The following CFAP47 variants were observed in gnomAD, a reference collection of about 807,000 sequenced individuals.
The protein encoded by CFAP47 is cilia- and flagella-associated protein 47.
Under a neutral mutation model 148.1 loss-of-function variants are expected in CFAP47, and 29 were observed. The ratio of observed to expected loss-of-function variants is 0.20; its 90% CI spans 0.15 to 0.27. The LOEUF (loss-of-function observed/expected upper bound fraction) is 0.27, where lower values mean the gene tolerates loss of function less well. Ranked by LOEUF, CFAP47 falls within the 10% of genes least tolerant of loss-of-function variation. CFAP47 has a pLI of 1.00. For synonymous variants in CFAP47, 664 were observed against 577.3 expected (o/e 1.15, Z -2.15); for missense variants, 1,872 against 1,697.5 (o/e 1.10, Z -1.81).
chrX:36,102,491 C>T (rs1938393372), intron 32 of CFAP47, among the ~76,000 whole-genome samples: 1 of 111,151 alleles, frequency 9.0e-6, no homozygotes, highest in Non-Finnish European at 1.9e-5. Flanking sequence ...TTTTTTACCA[C>T]CGATAATTTC....
Position 36,104,653 on chromosome X carries a change from A to G in CFAP47, c.5282A>G (p.Glu1761Gly). Residue 1761 changes from glutamate to glycine, a missense_variant, in exon 33 of 64, where the codon GAG (glutamate) becomes GGG (glycine). Physicochemically the swap from Glu to Gly is moderately conservative, Grantham distance 98. Transcript: ENST00000378653. The stretch of plus-strand genomic sequence containing the variant: ...CTTAGTTGGATGAACATAAATTATG[A>G]GAATACTCGACATGTGATATGGAAA... ...ILLSWMNINY[E>G]NTRHVIWKNC... 1.1e-6 allele frequency: 1 copy of G among 923,365 alleles called. No homozygotes were observed. Among genetic ancestry groups the G allele is most frequent in the Non-Finnish European group, 1.5e-6 (1 of 648,308 alleles). 76.1% of individuals were successfully genotyped at this position (923,365 alleles called of 1,213,427 possible).
intron 33 of CFAP47, among the ~76,000 whole-genome samples, chrX:36,126,080 T>G (rs1938831989): frequency 1.1e-5 from 1 of 90,834 alleles, no homozygotes; most frequent in Admixed American, 1.1e-4. Flanking sequence ...CCTTCAAAAT[T>G]ATTATTATTA....
chrX:36,159,250 A>G (rs954998869), intron 37 of CFAP47, among the ~76,000 whole-genome samples, 176 bp from the exon 38 acceptor site: 2 of 112,072 alleles, frequency 1.8e-5, no homozygotes, highest in Non-Finnish European at 3.8e-5. Context: ...TTTACAAAAT[A>G]TATTACGATA....
chrX:36,152,390 G>A (rs1448232550), intron 37 of CFAP47, among the ~76,000 whole-genome samples: 1 of 111,465 alleles, frequency 9.0e-6, no homozygotes, highest in South Asian at 3.8e-4. Flanking sequence ...CTTCATGTTC[G>A]TACCCTTTGA....
At chrX:36,285,508 T>C in intron 50 of CFAP47, 121 bp from the exon 51 acceptor site, 1 of 407,380 alleles carries the variant, frequency 2.5e-6, no homozygotes, top group Non-Finnish European at 4.4e-6. Flanking sequence ...TTCAGCTGTC[T>C]TGACAAAAAG....
intron 3 of CFAP47, among the ~76,000 whole-genome samples, chrX:35,942,430 T>C (rs1936023554): frequency 9.0e-6 from 1 of 111,369 alleles, no homozygotes; most frequent in Admixed American, 9.6e-5. Flanking sequence ...GCTTTGGTTT[T>C]TAAATGAGTG....
At chrX:36,176,866 T>C (rs1182225801) in intron 39 of CFAP47, among the ~76,000 whole-genome samples, 31 of 112,308 alleles carry the variant, frequency 2.8e-4, no homozygotes, top group Non-Finnish European at 1.3e-4. Flanking sequence ...ATTGTGCCAT[T>C]GCATTCCAGC....
chrX:36,384,077 A>C (rs1556024673), intron 63 of CFAP47, among the ~76,000 whole-genome samples: 1 of 111,845 alleles, frequency 8.9e-6, no homozygotes, highest in East Asian at 2.8e-4. Context: ...GCGGTGGCTC[A>C]AGCCTGTAAT....
chrX:35,983,274 C>G (rs1442128826), intron 15 of CFAP47, among the ~76,000 whole-genome samples: 1 of 111,555 alleles, frequency 9.0e-6, no homozygotes, highest in Non-Finnish European at 1.9e-5. Flanking sequence ...TATAGAAAAG[C>G]TACTGATTTT....
chrX:35,986,654 C>T (rs188538344), intron 15 of CFAP47, among the ~76,000 whole-genome samples: 3 of 110,288 alleles, frequency 2.7e-5, no homozygotes, highest in African/African-American at 9.9e-5. Context: ...CCCTTGCTGG[C>T]GAGGAGTTGT....
chrX:36,210,210 G>A (rs1478889213), intron 45 of CFAP47, among the ~76,000 whole-genome samples: 1 of 111,991 alleles, frequency 8.9e-6, no homozygotes, highest in East Asian at 2.8e-4. Flanking sequence ...TTTATCTTGG[G>A]TATACATCTG....
intron 23 of CFAP47, among the ~76,000 whole-genome samples, chrX:36,035,242 A>G (rs1937324563): frequency 9.0e-6 from 1 of 111,651 alleles, no homozygotes; most frequent in Admixed American, 9.6e-5. Flanking sequence ...ATTCATACAC[A>G]ATTCTTACTC....
intron 33 of CFAP47, among the ~76,000 whole-genome samples, chrX:36,132,912 C>T (rs187095244): frequency 1.6e-3 from 179 of 111,553 alleles, no homozygotes; most frequent in African/African-American, 5.5e-3. Context: ...TGTTTTCTTC[C>T]ACCCTTATAA....
intron 30 of CFAP47, among the ~76,000 whole-genome samples, chrX:36,089,525 C>T (rs1197319225): frequency 1.8e-5 from 2 of 111,480 alleles, no homozygotes; most frequent in Non-Finnish European, 1.9e-5. Flanking sequence ...TGGAAGGGTG[C>T]ACTGAACTGG....
rs192806282 is a variant in CFAP47 at position 36,239,884 on chromosome X, T to G, written c.7332+3025T>G. ...TTAAGGCTAAATCAGAGTTTTAAAC[T>G]ACTTGAGTACTTAAAGTATACAACA... On this transcript the variant is annotated intron_variant, in intron 48 of 63. Transcript: ENST00000378653. 3.4e-4 allele frequency among the ~76,000 whole-genome samples: 38 copies of G among 111,837 alleles called. 2 individuals are homozygous for G. The Admixed American group carries it at 3.5e-3, about 10-fold the overall frequency.
At chrX:36,291,902 G>A (rs1160695080) in intron 51 of CFAP47, among the ~76,000 whole-genome samples, 1 of 111,075 alleles carries the variant, frequency 9.0e-6, no homozygotes, top group Non-Finnish European at 1.9e-5. Context: ...ATACGGCGGG[G>A]GAGGTGGAAT....
At chrX:35,974,740 T>A (rs1006115725) in intron 13 of CFAP47, among the ~76,000 whole-genome samples, 1 of 111,553 alleles carries the variant, frequency 9.0e-6, no homozygotes, top group Non-Finnish European at 1.9e-5. Context: ...ATCCTGGGCA[T>A]TTTAAGGGGA....
intron 39 of CFAP47, among the ~76,000 whole-genome samples, chrX:36,161,434 T>C (rs1406550362): frequency 8.9e-6 from 1 of 111,784 alleles, no homozygotes; most frequent in Non-Finnish European, 1.9e-5. Flanking sequence ...AAAAAAACAT[T>C]TTTACTTAGA....
chrX:36,023,543 A>G (rs1021610832), intron 22 of CFAP47, among the ~76,000 whole-genome samples: 9 of 111,934 alleles, frequency 8.0e-5, no homozygotes, highest in Non-Finnish European at 1.5e-4. Flanking sequence ...TTCCTTCAGG[A>G]CAGCAAATTC....
Sources: allele counts gnomAD v4.1 joint callset (sites outside exome capture counted in the v4.1 genomes callset), GRCh38; gene constraint gnomAD v4.1.1; transcripts MANE v1.5; gene names NCBI Gene and HGNC (gene_info 2026-07-23, HGNC 2026-07-21).